LAMC3: variants seen among roughly 807,000 people sequenced by gnomAD.
LAMC3 encodes the protein laminin subunit gamma 3, also known as laminin subunit gamma-3.
Under a neutral mutation model 173.8 loss-of-function variants are expected in LAMC3, and 128 were observed. That is an observed-to-expected ratio of 0.74 (90% confidence interval 0.64 to 0.85). The LOEUF is 0.85. Ranked by LOEUF, LAMC3 falls within the 40% of genes least tolerant of loss-of-function variation. LAMC3 has a pLI of 0.00. For missense variants in LAMC3, 2,022 were observed against 2,156.0 expected (o/e 0.94, Z 1.23); for synonymous variants, 897 against 909.1 (o/e 0.99, Z 0.24).
intron 1 of LAMC3, among the ~76,000 whole-genome samples, chr9:131,025,784 T>C (rs1467491936): frequency 6.6e-6 from 1 of 152,030 alleles, no homozygotes; most frequent in Non-Finnish European, 1.5e-5. Flanking sequence ...AAACCTGTCT[T>C]GGGAAATTTG....
In LAMC3 at chr9:131,052,901, C is replaced by T; in HGVS notation, c.1875C>T (p.Phe625=). ...DVAPPLPPFH[F]QRLLANLTSL... ...CCCCTCCACTGCCCCCCTTCCACTT[C>T]CAGCGGCTCCTCGCCAACCTGACCA... Residue 625 remains phenylalanine, a synonymous_variant, in exon 11 of 28, where the codon TTC becomes TTT. Transcript: ENST00000361069. The T allele has an allele frequency of 1.2e-6, 2 of 1,613,978 alleles. No individual in the cohort carries two copies. The highest frequency in any genetic ancestry group is 1.3e-5 in the African/African-American group (1 of 75,050).
At chr9:131,050,629 G>A (rs142683058) in intron 9 of LAMC3, among the ~76,000 whole-genome samples, 1 of 152,250 alleles carries the variant, frequency 6.6e-6, no homozygotes, top group East Asian at 1.9e-4. Flanking sequence ...TTAGCCAGAC[G>A]TGGTGGTGCA....
Position 131,049,118 on chromosome 9 carries a change from C to A in LAMC3, c.1618C>A (p.Leu540Ile). Residue 540 changes from leucine to isoleucine, a missense_variant, in exon 9 of 28, where the codon CTC becomes ATC. Transcript: ENST00000361069. The part of the protein sequence containing the change: ...VLLSPEDEEE[L>I]TAPEKFLGDQ... ...CCTGAGCCCAGAAGACGAGGAGGAGCTCACAGCACCAGGTACCTCCAGCAC... is the reference window on the plus strand; with the variant it reads ...CCTGAGCCCAGAAGACGAGGAGGAGATCACAGCACCAGGTACCTCCAGCAC... 2 of 1,548,520 alleles carry A rather than the reference C, an allele frequency of 1.3e-6. No homozygotes were observed. The highest frequency in any genetic ancestry group is 1.7e-6 in the Non-Finnish European group (2 of 1,143,904).
chr9:131,044,092 A>G (rs1475068176), intron 7 of LAMC3, among the ~76,000 whole-genome samples: 3 of 151,376 alleles, frequency 2.0e-5, no homozygotes, highest in African/African-American at 7.3e-5. Flanking sequence ...CTAAGTAGCT[A>G]GGATTATAGG....
intron 24 of LAMC3, 107 bp from the exon 25 acceptor site, chr9:131,085,417 G>A (rs960843620): frequency 2.8e-5 from 32 of 1,122,876 alleles, no homozygotes; most frequent in South Asian, 2.0e-4. Flanking sequence ...ACCTCCACTC[G>A]TTGTCCAAGG....
At chr9:131,065,731 C>G (rs759908431) in intron 13 of LAMC3, among the ~76,000 whole-genome samples, 6 of 151,914 alleles carry the variant, frequency 3.9e-5, no homozygotes, top group African/African-American at 1.5e-4. Flanking sequence ...CACCACCACA[C>G]GTGATCACGG....
At chr9:131,011,201 G>A (rs944985174) in intron 1 of LAMC3, among the ~76,000 whole-genome samples, 40 of 152,228 alleles carry the variant, frequency 2.6e-4, no homozygotes, top group Admixed American at 1.2e-3. Flanking sequence ...TATGGTATAA[G>A]GCCTGCATCG....
At chr9:131,043,617 C>T (rs1484759641) in intron 7 of LAMC3, among the ~76,000 whole-genome samples, 1 of 152,170 alleles carries the variant, frequency 6.6e-6, no homozygotes, top group Non-Finnish European at 1.5e-5. Context: ...ATCCACGAAT[C>T]CATACTGATG....
At chr9:131,013,802 G>T (rs1833468646) in intron 1 of LAMC3, among the ~76,000 whole-genome samples, 1 of 152,132 alleles carries the variant, frequency 6.6e-6, no homozygotes, top group Admixed American at 6.5e-5. Flanking sequence ...CAGCCACAGC[G>T]AGGAGCCGGG....
At chr9:131,057,183 G>A (rs1352852931) in intron 12 of LAMC3, 36 bp downstream of exon 12, 1 of 1,577,570 alleles carries the variant, frequency 6.3e-7, no homozygotes, top group Non-Finnish European at 8.7e-7. Flanking sequence ...AGGCACCTGG[G>A]TTATACCCAA....
rs531311361 is a variant in LAMC3 at position 131,026,707 on chromosome 9, C to A, written c.678+118C>A. 2.5e-5 allele frequency: 35 copies of A among 1,410,116 alleles called. No individual in the cohort carries two copies. In the East Asian group the frequency reaches 5.5e-4, roughly 22 times the overall value. 87.4% of individuals were successfully genotyped at this position (1,410,116 alleles called of 1,614,324 possible). A position where few individuals can be genotyped will look rare whatever the true frequency, so the allele number is the denominator to read the frequency against. The stretch of plus-strand genomic sequence containing the variant: ...GGGACCTGCAAAACCCCATGGTTTT[C>A]TTTTTCTTCTTTTATTTTTGGAGAC... On this transcript the variant is annotated intron_variant, in intron 2 of 27. Transcript: ENST00000361069. The surrounding 1 kb of genome is among the most constrained non-coding windows in gnomAD (Gnocchi z 4.8).
At chr9:131,010,208 C>G (rs1833388670) in intron 1 of LAMC3, among the ~76,000 whole-genome samples, 1 of 151,170 alleles carries the variant, frequency 6.6e-6, no homozygotes, top group Non-Finnish European at 1.5e-5. Flanking sequence ...ACCTATGGTC[C>G]CAGCTACTCA....
chr9:131,079,019 G>A lies in LAMC3; in HGVS notation c.3778-130G>A, dbSNP rs369128385. ...GCTAGGCTCACCAGGTTTTCAGGGG[G>A]CTTGGGTTCTTGGCTGGCAGCCAGG... is the stretch of plus-strand genomic sequence containing the variant. On this transcript the variant is annotated intron_variant, in intron 22 of 27. Coordinates refer to ENST00000361069, the MANE Select transcript of LAMC3 (RefSeq NM_006059.4). 203 of 1,163,118 alleles carry A rather than the reference G, an allele frequency of 1.7e-4. 1 individual carries two copies. The African/African-American group carries it at 2.4e-3, about 14-fold the overall frequency. The allele number at this position is 1,163,118 out of a possible 1,614,324, so 72.0% of individuals were successfully genotyped here.
In LAMC3 at chr9:131,091,804, C is replaced by A. The variant is rs758156234; in HGVS notation, c.*17C>A. ...TGGCAGTGAGGGCTGCCCAGATCCC[C>A]GGCACACACTCCCCCACCTGCTGTT... On this transcript the variant is annotated 3_prime_UTR_variant, in exon 28 of 28. Transcript: ENST00000361069. The A allele has an allele frequency of 6.2e-7, 1 of 1,610,806 alleles. No homozygotes were observed. The highest frequency in any genetic ancestry group is 1.7e-5 in the Admixed American group (1 of 59,966).
At position 131,026,330 on chromosome 9, in the gene LAMC3, G is replaced by C. The variant is rs1355222987; in HGVS notation, c.419G>C (p.Ser140Thr). The C allele has an allele frequency of 6.2e-6, 10 of 1,614,068 alleles. No individual in the cohort carries two copies. The change falls in exon 2 of 28, where the codon AGT (serine) becomes ACT (threonine). Residue 140 changes from serine (S) to threonine (T), a missense_variant. Physicochemically the swap from Ser to Thr is moderately conservative, Grantham distance 58. Transcript: ENST00000361069. This position sits in a 1 kb window ranked among gnomAD's most constrained non-coding sequence, Gnocchi z 4.8. Reference sequence around the variant, plus strand: ...TATGTGAGGCTGAAGTTCCACACCAGTCGCCCTGAGAGCTTTGCCATCTAC... The same window carrying C: ...TATGTGAGGCTGAAGTTCCACACCACTCGCCCTGAGAGCTTTGCCATCTAC... ...ITYVRLKFHTSRPESFAIYKR... is the reference protein window; with the variant it reads ...ITYVRLKFHTTRPESFAIYKR...
chr9:131,082,977 C>T (rs148173490), intron 24 of LAMC3, among the ~76,000 whole-genome samples: 164 of 152,368 alleles, frequency 1.1e-3, no homozygotes, highest in Non-Finnish European at 1.8e-3. Context: ...TCCCCAGCTT[C>T]CTGGCGGCTT....
At chr9:131,035,642 C>T (rs1833929632) in intron 3 of LAMC3, among the ~76,000 whole-genome samples, 1 of 152,198 alleles carries the variant, frequency 6.6e-6, no homozygotes, top group Non-Finnish European at 1.5e-5. Flanking sequence ...GAAGTGGACT[C>T]ATGGGGGATT....
chr9:131,059,985 C>G (rs1246659323), intron 12 of LAMC3, among the ~76,000 whole-genome samples: 1 of 152,168 alleles, frequency 6.6e-6, no homozygotes, highest in Non-Finnish European at 1.5e-5. Flanking sequence ...TTGGTTAACC[C>G]CTTCTCAGCC....
At chr9:131,058,567 TC>T (rs943399630) in intron 12 of LAMC3, among the ~76,000 whole-genome samples, 6 of 152,062 alleles carry the variant, frequency 3.9e-5, no homozygotes, top group African/African-American at 1.4e-4. Context: ...GTGGGGGCTG[TC>T]TGAGAAGAAG....
Sources: gnomAD v4.1 joint callset for allele counts (sites outside exome capture counted in the v4.1 genomes callset) on GRCh38, gnomAD v4.1.1 for gene constraint, Gnocchi (gnomAD v3.1) non-coding constraint, MANE v1.5 for transcripts, NCBI Gene and HGNC (gene_info 2026-07-23, HGNC 2026-07-21) for gene names.